KRTAP10-4: variants seen among roughly 807,000 people sequenced by gnomAD.
KRTAP10-4 encodes the protein keratin associated protein 10-4.
For missense variants in KRTAP10-4, 374 were observed against 507.6 expected (o/e 0.74, Z 2.53); for synonymous variants, 147 against 213.7 (o/e 0.69, Z 2.72).
rs1555923645 is a variant in KRTAP10-4, at chr21:44,574,919, C to T, written c.1161C>T (p.Cys387=). 3.7e-6 allele frequency: 6 copies of T among 1,612,438 alleles called. No individual in the cohort carries two copies. Among genetic ancestry groups the T allele is most frequent in the Admixed American group, 1.7e-5 (1 of 59,898 alleles). The change falls in exon 1 of 1, where the codon TGC becomes TGT. Residue 387 remains cysteine (C), a synonymous_variant. Transcript: ENST00000400374. Reference sequence around the variant, plus strand: ...CCTGCTGTGCTCCCACCTCCTCCTGCCAACCCAGCTGCTGCCGCCCAGCCT... The same window carrying T: ...CCTGCTGTGCTCCCACCTCCTCCTGTCAACCCAGCTGCTGCCGCCCAGCCT... ...VPSCCAPTSS[C]QPSCCRPASC...
rs1737195619 is a variant in KRTAP10-4 at position 44,574,399 on chromosome 21, G to A, written c.641G>A (p.Cys214Tyr). 1 of 1,602,790 alleles carries A rather than the reference G, an allele frequency of 6.2e-7. No individual in the cohort carries two copies. Among genetic ancestry groups the A allele is most frequent in the Non-Finnish European group, 8.5e-7 (1 of 1,174,572 alleles). ...CTPSCCQQSS[C>Y]QPACCTSSSC... The stretch of plus-strand genomic sequence containing the variant: ...CCCTCGTGCTGCCAGCAGTCTAGCT[G>A]CCAGCCGGCTTGCTGCACCTCCTCC... The change falls in exon 1 of 1, where the codon TGC (cysteine) becomes TAC (tyrosine). Residue 214 changes from cysteine (C) to tyrosine (Y), a missense_variant. Physicochemically the swap from Cys to Tyr is radical, Grantham distance 194. Coordinates refer to ENST00000400374, the MANE Select transcript of KRTAP10-4 (RefSeq NM_198687.2).
chr21:44,574,613 C>T lies in KRTAP10-4; in HGVS notation c.855C>T (p.Cys285=). ...CCKPVCCKPV[C]SVPICSGASS... ...AGCCTGTGTGCTGCAAGCCTGTCTGCTCTGTGCCCATCTGCTCTGGGGCTT... is the reference window on the plus strand; with the variant it reads ...AGCCTGTGTGCTGCAAGCCTGTCTGTTCTGTGCCCATCTGCTCTGGGGCTT... The change falls in exon 1 of 1, where the codon TGC becomes TGT. Residue 285 remains cysteine (C), a synonymous_variant. Coordinates refer to ENST00000400374, the MANE Select transcript of KRTAP10-4 (RefSeq NM_198687.2). 1 of 1,299,610 alleles carries T rather than the reference C, an allele frequency of 7.7e-7. No homozygotes were observed. Among genetic ancestry groups the T allele is most frequent in the South Asian group, 1.7e-5 (1 of 59,900 alleles). 80.5% of individuals were successfully genotyped at this position (1,299,610 alleles called of 1,614,324 possible). A position where few individuals can be genotyped will look rare whatever the true frequency, so the allele number is the denominator to read the frequency against.
rs1978344895 is a variant in KRTAP10-4 at position 44,575,099 on chromosome 21, C to T, written c.*135C>T. 8 of 1,309,094 alleles carry T rather than the reference C, an allele frequency of 6.1e-6. 1 individual carries two copies. The highest frequency in any genetic ancestry group is 8.4e-6 in the Non-Finnish European group (8 of 952,510). 81.1% of individuals were successfully genotyped at this position (1,309,094 alleles called of 1,614,324 possible). The stretch of plus-strand genomic sequence containing the variant: ...CTGATAGTCGCGTCCTGAATTGCTC[C>T]TGCACTTTGACCATTTCCTGGTGTC... On this transcript the variant is annotated 3_prime_UTR_variant, in exon 1 of 1. Transcript: ENST00000400374.
In KRTAP10-4 at chr21:44,574,189, C is replaced by T. The variant is rs782109630; in HGVS notation, c.431C>T (p.Ala144Val). Reference sequence around the variant, plus strand: ...TGCCAGCAGTCTAGCTGCCAGTCAGCTTGCTGCACCTCCTCCCCCTGCCAG... The same window carrying T: ...TGCCAGCAGTCTAGCTGCCAGTCAGTTTGCTGCACCTCCTCCCCCTGCCAG... Reference protein sequence around the residue: ...SCCQQSSCQSACCTSSPCQQA... With the variant: ...SCCQQSSCQSVCCTSSPCQQA... The change falls in exon 1 of 1, where the codon GCT (alanine) becomes GTT (valine). Residue 144 changes from alanine to valine, a missense_variant. Coordinates refer to ENST00000400374, the MANE Select transcript of KRTAP10-4 (RefSeq NM_198687.2). 9.3e-6 allele frequency: 15 copies of T among 1,613,430 alleles called. No homozygotes were observed. The South Asian group carries it at 1.4e-4, about 15-fold the overall frequency.
chr21:44,574,550 T>C lies in KRTAP10-4; in HGVS notation c.792T>C (p.Ser264=), dbSNP rs9982409. The change falls in exon 1 of 1, where the codon TCT becomes TCC. Residue 264 remains serine (S), a synonymous_variant. Transcript: ENST00000400374. The part of the protein sequence containing the change: ...SSCQPACCTS[S]PCQQACCVPV... Reference sequence around the variant, plus strand: ...GCCAGCCGGCTTGCTGCACCTCCTCTCCCTGCCAGCAGGCTTGCTGTGTGC... The same window carrying C: ...GCCAGCCGGCTTGCTGCACCTCCTCCCCCTGCCAGCAGGCTTGCTGTGTGC... The C allele has an allele frequency of 8.2e-3, 12,779 of 1,558,550 alleles. 826 individuals are homozygous for C. In the African/African-American group the frequency reaches 0.17, roughly 20 times the overall value.
rs782579631 is a variant in KRTAP10-4 at position 44,574,992 on chromosome 21, T to G, written c.*28T>G. On this transcript the variant is annotated 3_prime_UTR_variant, in exon 1 of 1. Coordinates refer to ENST00000400374, the MANE Select transcript of KRTAP10-4 (RefSeq NM_198687.2). Reference sequence around the variant, plus strand: ...CCCCGTGTGCTCCCGCCCAGCCTGCTGAGGCCTCCGCTCAGGTCAGAAGCC... The same window carrying G: ...CCCCGTGTGCTCCCGCCCAGCCTGCGGAGGCCTCCGCTCAGGTCAGAAGCC... 1 of 1,609,974 alleles carries G rather than the reference T, an allele frequency of 6.2e-7. No individual in the cohort carries two copies. The highest frequency in any genetic ancestry group is 2.2e-5 in the East Asian group (1 of 44,832).
In KRTAP10-4 at chr21:44,574,532, G is replaced by C; in HGVS notation, c.774G>C (p.Pro258=). 6.3e-7 allele frequency: 1 copy of C among 1,588,998 alleles called. No homozygotes were observed. The change falls in exon 1 of 1, where the codon CCG becomes CCC. Residue 258 remains proline, a synonymous_variant. Coordinates refer to ENST00000400374, the MANE Select transcript of KRTAP10-4 (RefSeq NM_198687.2). ...GCTGCCAGCAGTCTAGCTGCCAGCC[G>C]GCTTGCTGCACCTCCTCTCCCTGCC... The part of the protein sequence containing the change: ...SSCCQQSSCQ[P]ACCTSSPCQQ...
In KRTAP10-4 at chr21:44,574,707, T is replaced by A; in HGVS notation, c.949T>A (p.Cys317Ser). The part of the protein sequence containing the change: ...CCTSSQSQQG[C>S]CVPVCCKPVS... ...CACCTCCTCCCAAAGCCAGCAGGGC[T>A]GCTGCGTGCCCGTCTGCTGCAAGCC... The change falls in exon 1 of 1, where the codon TGC (cysteine) becomes AGC (serine). Residue 317 changes from cysteine to serine, a missense_variant. By Grantham distance (112) the Cys-to-Ser change is moderately radical. Coordinates refer to ENST00000400374, the MANE Select transcript of KRTAP10-4 (RefSeq NM_198687.2). 6.2e-7 allele frequency: 1 copy of A among 1,609,152 alleles called. No individual in the cohort carries two copies.
In KRTAP10-4 at chr21:44,575,245, C is replaced by T. The variant is rs1470185181; in HGVS notation, c.*281C>T. ...GCAGTGGCCTCCCCTCCATATCTCCCACCTCTCATGAGGGTCAGTTCAGCC... is the reference window on the plus strand; with the variant it reads ...GCAGTGGCCTCCCCTCCATATCTCCTACCTCTCATGAGGGTCAGTTCAGCC... On this transcript the variant is annotated 3_prime_UTR_variant, in exon 1 of 1. Coordinates refer to ENST00000400374, the MANE Select transcript of KRTAP10-4 (RefSeq NM_198687.2). The T allele has an allele frequency of 8.5e-6, 5 of 588,094 alleles. No individual in the cohort carries two copies. Among genetic ancestry groups the T allele is most frequent in the Non-Finnish European group, 1.5e-5 (5 of 323,350 alleles). The allele number at this position is 588,094 out of a possible 1,614,324, so 36.4% of individuals were successfully genotyped here. A position where few individuals can be genotyped will look rare whatever the true frequency, so the allele number is the denominator to read the frequency against.
chr21:44,574,706 C>G lies in KRTAP10-4; in HGVS notation c.948C>G (p.Gly316=). The stretch of plus-strand genomic sequence containing the variant: ...GCACCTCCTCCCAAAGCCAGCAGGG[C>G]TGCTGCGTGCCCGTCTGCTGCAAGC... ...ACCTSSQSQQ[G]CCVPVCCKPV... is the part of the protein sequence containing the mutation. The change falls in exon 1 of 1, where the codon GGC becomes GGG. Residue 316 remains glycine, a synonymous_variant. Coordinates refer to ENST00000400374, the MANE Select transcript of KRTAP10-4 (RefSeq NM_198687.2). 1.2e-6 allele frequency: 2 copies of G among 1,608,918 alleles called. No individual in the cohort carries two copies. Among genetic ancestry groups the G allele is most frequent in the East Asian group, 4.5e-5 (2 of 44,480 alleles).
chr21:44,574,443 T>C lies in KRTAP10-4; in HGVS notation c.685T>C (p.Cys229Arg). The C allele has an allele frequency of 1.2e-6, 2 of 1,602,668 alleles. No homozygotes were observed. Among genetic ancestry groups the C allele is most frequent in the Non-Finnish European group, 1.7e-6 (2 of 1,174,578 alleles). Residue 229 changes from cysteine (C) to arginine (R), a missense_variant, in exon 1 of 1, where the codon TGC becomes CGC. Cys to Arg is a radical substitution (Grantham distance 180, BLOSUM62 -3). Coordinates refer to ENST00000400374, the MANE Select transcript of KRTAP10-4 (RefSeq NM_198687.2). ...CTCCTCCTCCTGCCAGCAGGCCTGC[T>C]GCGTGCCCGTCTGCTGCAAGACTGT... is the stretch of plus-strand genomic sequence containing the variant. ...CTSSSCQQAC[C>R]VPVCCKTVCC... is the part of the protein sequence containing the mutation.
In KRTAP10-4 at chr21:44,574,856, C is replaced by T; in HGVS notation, c.1098C>T (p.Arg366=). The change falls in exon 1 of 1, where the codon CGC becomes CGT. Residue 366 remains arginine, a synonymous_variant. Coordinates refer to ENST00000400374, the MANE Select transcript of KRTAP10-4 (RefSeq NM_198687.2). ...CCTCCTCCGTGTCCCTCCTCTGCCGCCCCGTGTGCAGGCCCGCCTGCTGCG... is the reference window on the plus strand; with the variant it reads ...CCTCCTCCGTGTCCCTCCTCTGCCGTCCCGTGTGCAGGCCCGCCTGCTGCG... The part of the protein sequence containing the change: ...RPSSSVSLLC[R]PVCRPACCVP... The T allele has an allele frequency of 6.2e-7, 1 of 1,613,138 alleles. No homozygotes were observed. Among genetic ancestry groups the T allele is most frequent in the South Asian group, 1.1e-5 (1 of 91,008 alleles).
In KRTAP10-4 at chr21:44,574,359, A is replaced by T; in HGVS notation, c.601A>T (p.Ile201Phe). 7 of 1,603,748 alleles carry T rather than the reference A, an allele frequency of 4.4e-6. No homozygotes were observed. Among genetic ancestry groups the T allele is most frequent in the Non-Finnish European group, 5.9e-6 (7 of 1,177,360 alleles). ...GCCCAGCCCCTGCCAATCAGGCTGC[A>T]TCAGCTCCTGCACGCCCTCGTGCTG... ...CEPSPCQSGC[I>F]SSCTPSCCQQ... is the part of the protein sequence containing the mutation. Residue 201 changes from isoleucine (I) to phenylalanine (F), a missense_variant, in exon 1 of 1, where the codon ATC becomes TTC. By Grantham distance (21) the Ile-to-Phe change is conservative. Coordinates refer to ENST00000400374, the MANE Select transcript of KRTAP10-4 (RefSeq NM_198687.2).
At position 44,575,005 on chromosome 21, in the gene KRTAP10-4, C is replaced by T. The variant is rs368599005; in HGVS notation, c.*41C>T. 2.6e-5 allele frequency: 42 copies of T among 1,605,528 alleles called. No homozygotes were observed. In the African/African-American group the frequency reaches 4.9e-4, roughly 19 times the overall value. On this transcript the variant is annotated 3_prime_UTR_variant, in exon 1 of 1. Transcript: ENST00000400374. ...CGCCCAGCCTGCTGAGGCCTCCGCT[C>T]AGGTCAGAAGCCCAGCTGCTGATGG...
rs1978316521 is a variant in KRTAP10-4, at chr21:44,574,570, G to A, written c.812G>A (p.Cys271Tyr). 2 of 1,604,926 alleles carry A rather than the reference G, an allele frequency of 1.2e-6. No homozygotes were observed. The highest frequency in any genetic ancestry group is 2.3e-5 in the East Asian group (1 of 44,272). ...TCCTCTCCCTGCCAGCAGGCTTGCT[G>A]TGTGCCTGTCTGCTGCAAGCCTGTG... ...CTSSPCQQAC[C>Y]VPVCCKPVCC... Residue 271 changes from cysteine (C) to tyrosine (Y), a missense_variant, in exon 1 of 1, where the codon TGT becomes TAT. By Grantham distance (194) the Cys-to-Tyr change is radical. Coordinates refer to ENST00000400374, the MANE Select transcript of KRTAP10-4 (RefSeq NM_198687.2).
In KRTAP10-4 at chr21:44,574,194, T is replaced by C. The variant is rs1569194729; in HGVS notation, c.436T>C (p.Cys146Arg). The C allele has an allele frequency of 6.2e-6, 10 of 1,613,328 alleles. No homozygotes were observed. The South Asian group carries it at 9.9e-5, about 16-fold the overall frequency. Residue 146 changes from cysteine (C) to arginine (R), a missense_variant, in exon 1 of 1, where the codon TGC (cysteine) becomes CGC (arginine). Cys to Arg is a radical substitution (Grantham distance 180, BLOSUM62 -3). Coordinates refer to ENST00000400374, the MANE Select transcript of KRTAP10-4 (RefSeq NM_198687.2). ...GCAGTCTAGCTGCCAGTCAGCTTGC[T>C]GCACCTCCTCCCCCTGCCAGCAGGC... ...CQQSSCQSAC[C>R]TSSPCQQACC...
rs199944478 is a variant in KRTAP10-4 at position 44,573,884 on chromosome 21, C to T, written c.126C>T (p.Cys42=). 3,217 of 1,604,618 alleles carry T rather than the reference C, an allele frequency of 2.0e-3. 5 individuals carry two copies. The African/African-American group carries it at 0.032, about 16-fold the overall frequency. The stretch of plus-strand genomic sequence containing the variant: ...AGAGCTGCTGCGAGCCCCCCTGCTG[C>T]GCCCCCAGCTGCTGCGCCCCGGCCC... The part of the protein sequence containing the change: ...CPESCCEPPC[C]APSCCAPAPC... The change falls in exon 1 of 1, where the codon TGC becomes TGT. Residue 42 remains cysteine, a synonymous_variant. Coordinates refer to ENST00000400374, the MANE Select transcript of KRTAP10-4 (RefSeq NM_198687.2).
At position 44,574,892 on chromosome 21, in the gene KRTAP10-4, T is replaced by C. The variant is rs199999192; in HGVS notation, c.1134T>C (p.Pro378=). 3 of 1,611,690 alleles carry C rather than the reference T, an allele frequency of 1.9e-6. No individual in the cohort carries two copies. The highest frequency in any genetic ancestry group is 2.5e-6 in the Non-Finnish European group (3 of 1,179,548). ...VCRPACCVPV[P]SCCAPTSSCQ... ...GGCCCGCCTGCTGCGTGCCCGTCCCTTCCTGCTGTGCTCCCACCTCCTCCT... is the reference window on the plus strand; with the variant it reads ...GGCCCGCCTGCTGCGTGCCCGTCCCCTCCTGCTGTGCTCCCACCTCCTCCT... Residue 378 remains proline (P), a synonymous_variant, in exon 1 of 1, where the codon CCT becomes CCC. Transcript: ENST00000400374.
In KRTAP10-4 at chr21:44,574,864, G is replaced by A. The variant is rs782332029; in HGVS notation, c.1106G>A (p.Cys369Tyr). 8 of 1,613,040 alleles carry A rather than the reference G, an allele frequency of 5.0e-6. No individual in the cohort carries two copies. Among genetic ancestry groups the A allele is most frequent in the Non-Finnish European group, 6.8e-6 (8 of 1,179,918 alleles). ...SSVSLLCRPV[C>Y]RPACCVPVPS... ...GTGTCCCTCCTCTGCCGCCCCGTGTGCAGGCCCGCCTGCTGCGTGCCCGTC... is the reference window on the plus strand; with the variant it reads ...GTGTCCCTCCTCTGCCGCCCCGTGTACAGGCCCGCCTGCTGCGTGCCCGTC... Residue 369 changes from cysteine to tyrosine, a missense_variant, in exon 1 of 1, where the codon TGC becomes TAC. Physicochemically the swap from Cys to Tyr is radical, Grantham distance 194. Transcript: ENST00000400374.
Sources: gnomAD v4.1 joint callset for allele counts on GRCh38, gnomAD v4.1.1 for gene constraint, MANE v1.5 for transcripts, NCBI Gene and HGNC (gene_info 2026-07-23, HGNC 2026-07-21) for gene names.